Variants in SH3GL3 observed in about 807,000 individuals in gnomAD.
SH3GL3 encodes endophilin-A3.
A neutral mutation model predicts 47.7 loss-of-function variants in SH3GL3; 33 were observed. That is an observed-to-expected ratio of 0.69 (90% CI 0.52 to 0.92). The LOEUF is 0.92. Ranked by LOEUF, SH3GL3 falls within the 40% of genes least tolerant of loss-of-function variation. The pLI is 0.00. For missense variants in SH3GL3, 363 were observed against 417.8 expected (o/e 0.87, Z 1.14); for synonymous variants, 155 against 148.8 (o/e 1.04, Z -0.30).
chr15:83,450,939 A>G (rs866761396), intron 1 of SH3GL3, among the ~76,000 whole-genome samples: 4 of 117,630 alleles, frequency 3.4e-5, no homozygotes, highest in Non-Finnish European at 7.0e-5. Flanking sequence ...ATATCTCCCA[A>G]TGCTATCCCT....
chr15:83,512,854 A>G (rs2042824945), intron 1 of SH3GL3, among the ~76,000 whole-genome samples: 1 of 152,090 alleles, frequency 6.6e-6, no homozygotes, highest in Non-Finnish European at 1.5e-5. Context: ...TAGAGTACTC[A>G]TTAACTAGAT....
chr15:83,580,784 G>T (rs920668408), intron 6 of SH3GL3, among the ~76,000 whole-genome samples: 16 of 152,184 alleles, frequency 1.1e-4, no homozygotes, highest in Admixed American at 1.0e-3. Context: ...CTGAAGCTGG[G>T]TGAGTGGGAG....
At chr15:83,538,024 GATTA>G (rs1034536665) in intron 1 of SH3GL3, among the ~76,000 whole-genome samples, 1 of 152,162 alleles carries the variant, frequency 6.6e-6, no homozygotes, top group Non-Finnish European at 1.5e-5. Context: ...CTGGAAGTGA[GATTA>G]ATTAATTTTT....
At chr15:83,459,815 A>G (rs1036882388) in intron 1 of SH3GL3, among the ~76,000 whole-genome samples, 1 of 152,090 alleles carries the variant, frequency 6.6e-6, no homozygotes, top group African/African-American at 2.4e-5. Context: ...ACGACATACA[A>G]TTTGCAGGTC....
chr15:83,508,882 C>T (rs1348453025), intron 1 of SH3GL3, among the ~76,000 whole-genome samples: 2 of 152,316 alleles, frequency 1.3e-5, no homozygotes, highest in East Asian at 3.9e-4. Context: ...GCGTGAGCCA[C>T]TGCTGGGCTT....
intron 1 of SH3GL3, among the ~76,000 whole-genome samples, chr15:83,514,740 G>A (rs2042910643): frequency 6.6e-6 from 1 of 152,160 alleles, no homozygotes; most frequent in Non-Finnish European, 1.5e-5. Flanking sequence ...TGAGGCAGGT[G>A]TTTGTGAGCA....
intron 1 of SH3GL3, among the ~76,000 whole-genome samples, chr15:83,512,797 T>C (rs1317228318): frequency 6.6e-6 from 1 of 151,960 alleles, no homozygotes; most frequent in Non-Finnish European, 1.5e-5. Context: ...TCCCTCCCTC[T>C]CCCTATCAGC....
chr15:83,460,862 A>G (rs1303228646), intron 1 of SH3GL3, among the ~76,000 whole-genome samples: 2 of 152,188 alleles, frequency 1.3e-5, no homozygotes, highest in East Asian at 3.9e-4. Flanking sequence ...TGGCAGGCAG[A>G]TCCCGAGGTC....
chr15:83,479,826 A>G (rs1358434417), intron 1 of SH3GL3, among the ~76,000 whole-genome samples: 1 of 152,118 alleles, frequency 6.6e-6, no homozygotes, highest in Non-Finnish European at 1.5e-5. Context: ...CAGCTCTGTG[A>G]TCTTGGCCAC....
chr15:83,599,611 G>T (rs2060328333), intron 8 of SH3GL3, among the ~76,000 whole-genome samples: 1 of 152,148 alleles, frequency 6.6e-6, no homozygotes, highest in Non-Finnish European at 1.5e-5. Context: ...CATTTGGGCT[G>T]GTCCCATATT....
rs759384239 is a variant in SH3GL3 at position 83,618,087 on chromosome 15, A to G, written c.844A>G (p.Asn282Asp). 8 of 1,609,182 alleles carry G rather than the reference A, an allele frequency of 5.0e-6. No individual in the cohort carries two copies. Among genetic ancestry groups the G allele is most frequent in the East Asian group, 2.2e-5 (1 of 44,856 alleles). ...TTSVVKTTGS[N>D]IPMDQPCCRG... ...TCTCCATATCATGTGGACAGGTTCT[A>G]ACATTCCCATGGACCAGCCCTGCTG... is the stretch of plus-strand genomic sequence containing the variant. The change falls in exon 9 of 9, where the codon AAC becomes GAC. Residue 282 changes from asparagine to aspartate, a missense_variant. Physicochemically the swap from Asn to Asp is conservative, Grantham distance 23. Transcript: ENST00000427482.
chr15:83,522,887 A>G (rs2043266745), intron 1 of SH3GL3, among the ~76,000 whole-genome samples: 1 of 152,206 alleles, frequency 6.6e-6, no homozygotes, highest in Non-Finnish European at 1.5e-5. Flanking sequence ...TTCATCCTAA[A>G]TCATAGACAT....
At chr15:83,507,151 G>A (rs573537788) in intron 1 of SH3GL3, among the ~76,000 whole-genome samples, 159 of 151,672 alleles carry the variant, frequency 1.0e-3, no homozygotes, top group African/African-American at 3.4e-3. Flanking sequence ...GACTACAGGC[G>A]CCCACCACCA....
intron 4 of SH3GL3, among the ~76,000 whole-genome samples, chr15:83,570,330 T>C (rs934229800): frequency 2.6e-5 from 4 of 152,190 alleles, no homozygotes; most frequent in African/African-American, 9.6e-5. Context: ...TTGTTTATGG[T>C]CTTTCTCTTC....
intron 4 of SH3GL3, among the ~76,000 whole-genome samples, chr15:83,571,141 T>C (rs2045795470): frequency 6.6e-6 from 1 of 152,174 alleles, no homozygotes; most frequent in Non-Finnish European, 1.5e-5. Flanking sequence ...GAAACCTCAG[T>C]GGGTGGAGGC....
intron 5 of SH3GL3, among the ~76,000 whole-genome samples, chr15:83,574,926 T>C (rs2059634280): frequency 6.6e-6 from 1 of 152,256 alleles, no homozygotes; most frequent in Non-Finnish European, 1.5e-5. Context: ...TGTGCCTCTG[T>C]GTCATGAGCA....
chr15:83,586,160 C>G (rs1057108711), intron 6 of SH3GL3, among the ~76,000 whole-genome samples: 3 of 152,190 alleles, frequency 2.0e-5, no homozygotes, highest in African/African-American at 7.2e-5. Flanking sequence ...GAGCTTGCCT[C>G]TGGGGCTTTC....
intron 8 of SH3GL3, among the ~76,000 whole-genome samples, chr15:83,610,545 A>G (rs891893587): frequency 6.6e-6 from 1 of 152,224 alleles, no homozygotes; most frequent in African/African-American, 2.4e-5. Flanking sequence ...AAAAAAGGAA[A>G]AGGAAAAGAG....
At position 83,524,693 on chromosome 15, in the gene SH3GL3, G is replaced by C. The variant is rs1433305098; in HGVS notation, c.46-34560G>C. Among the ~76,000 whole-genome samples, 3 of 151,816 alleles carry C rather than the reference G, an allele frequency of 2.0e-5. No homozygotes were observed. The East Asian group carries it at 5.8e-4, about 29-fold the overall frequency. ...CGCAACACACCCTTCCCAGCATCTAGTAACTGTCATTCTGTTCTGCCTCCA... is the reference window on the plus strand; with the variant it reads ...CGCAACACACCCTTCCCAGCATCTACTAACTGTCATTCTGTTCTGCCTCCA... On this transcript the variant is annotated intron_variant, in intron 1 of 8. Transcript: ENST00000427482.
Sources: allele counts gnomAD v4.1 joint callset (sites outside exome capture counted in the v4.1 genomes callset), GRCh38; gene constraint gnomAD v4.1.1; transcripts MANE v1.5; gene names NCBI Gene and HGNC (gene_info 2026-07-23, HGNC 2026-07-21).